The following C16orf89 variants were observed in gnomAD, a reference collection of about 807,000 sequenced individuals.
The protein encoded by C16orf89 is UPF0764 protein C16orf89.
Under a neutral mutation model 41.5 loss-of-function variants are expected in C16orf89, and 57 were observed. The ratio of observed to expected loss-of-function variants is 1.38; its 90% CI spans 1.11 to 1.71. The LOEUF (loss-of-function observed/expected upper bound fraction) is 1.71. Among genes scored for constraint, C16orf89 ranks in the 40% most tolerant of loss-of-function variants. The probability of loss-of-function intolerance (pLI) is 0.00; values close to 1 mark genes in which losing one functional copy is unlikely to be tolerated. For synonymous variants in C16orf89, 223 were observed against 190.6 expected (o/e 1.17, Z -1.40); for missense variants, 575 against 445.9 (o/e 1.29, Z -2.61).
At chr16:5,064,844 A>T (rs1465342767) in intron 1 of C16orf89, among the ~76,000 whole-genome samples, 1 of 152,184 alleles carries the variant, frequency 6.6e-6, no homozygotes. Context: ...CTGCCCAGTC[A>T]TGATTAAGAG....
At chr16:5,064,818 G>A (rs1266693717) in intron 1 of C16orf89, among the ~76,000 whole-genome samples, 4 of 152,142 alleles carry the variant, frequency 2.6e-5, no homozygotes, top group Admixed American at 6.5e-5. Flanking sequence ...AGGTGGGGCC[G>A]CTTTCCCAGT....
intron 7 of C16orf89, chr16:5,044,776 A>G: frequency 8.7e-7 from 1 of 1,152,944 alleles, no homozygotes; most frequent in Non-Finnish European, 1.1e-6. Context: ...CCCAGGAGGC[A>G]AAGGTTGCAG....
chr16:5,047,792 T>A, intron 7 of C16orf89, 86 bp downstream of exon 7: 1 of 809,478 alleles, frequency 1.2e-6, no homozygotes, highest in Non-Finnish European at 2.1e-6. Context: ...GTGCTTTTCT[T>A]CCATAGCAGA....
rs1013951853 is a variant in C16orf89 at position 5,057,286 on chromosome 16, A to T, written c.628-1098T>A. Among the ~76,000 whole-genome samples, 4 of 130,688 alleles carry T rather than the reference A, an allele frequency of 3.1e-5. No individual in the cohort carries two copies. The East Asian group carries it at 9.6e-4, about 31-fold the overall frequency. The allele number at this position is 130,688 out of a possible 152,430, so 85.7% of individuals were successfully genotyped here. On this transcript the variant is annotated intron_variant, in intron 4 of 7. Transcript: ENST00000472572. ...AATATACATATATATATGTATATAT[A>T]TATGTGTATATATATATATAGTGGT...
chr16:5,056,246 C>T, intron 4 of C16orf89, 58 bp from the exon 5 acceptor site: 3 of 1,497,048 alleles, frequency 2.0e-6, no homozygotes, highest in Non-Finnish European at 1.8e-6. Context: ...CAGACACACG[C>T]CCTGCTATGG....
intron 7 of C16orf89, among the ~76,000 whole-genome samples, chr16:5,045,542 C>A (rs769908721): frequency 7.2e-5 from 11 of 152,110 alleles, no homozygotes; most frequent in Non-Finnish European, 1.3e-4. Context: ...CCAGCCAGGT[C>A]CGTTGAAGGG....
intron 2 of C16orf89, among the ~76,000 whole-genome samples, chr16:5,061,997 A>G (rs996137904): frequency 2.0e-5 from 3 of 152,232 alleles, no homozygotes; most frequent in Non-Finnish European, 2.9e-5. Context: ...TAGTGTGTGG[A>G]CAACTTCGGG....
rs762104050 is a variant in C16orf89, at chr16:5,044,739, G to A, written c.956-261C>T. The A allele has an allele frequency of 1.9e-5, 20 of 1,027,050 alleles. No individual in the cohort carries two copies. The East Asian group carries it at 9.6e-4, about 49-fold the overall frequency. The allele number at this position is 1,027,050 out of a possible 1,614,324, so 63.6% of individuals were successfully genotyped here. A position where few individuals can be genotyped will look rare whatever the true frequency, so the allele number is the denominator to read the frequency against. Reference sequence around the variant, plus strand: ...CGCTCCTGTAGTCCCAGCTACTCGGGAGGATGAGGCAAGAGAATTGCTTGA... The same window carrying A: ...CGCTCCTGTAGTCCCAGCTACTCGGAAGGATGAGGCAAGAGAATTGCTTGA... On this transcript the variant is annotated intron_variant, in intron 7 of 7. Coordinates refer to ENST00000472572, the MANE Select transcript of C16orf89 (RefSeq NM_001098514.3).
intron 2 of C16orf89, 152 bp from the exon 3 acceptor site, chr16:5,060,588 G>C (rs898785622): frequency 2.6e-6 from 2 of 766,484 alleles, no homozygotes; most frequent in Non-Finnish European, 4.0e-6. Flanking sequence ...GATTGGGTTT[G>C]AAACACTCAA....
intron 5 of C16orf89, 194 bp from the exon 6 acceptor site, chr16:5,055,544 C>T (rs1054753573): frequency 2.4e-5 from 25 of 1,022,036 alleles, no homozygotes; most frequent in South Asian, 5.0e-5. Flanking sequence ...GCTTGTGTCC[C>T]GCCTCCCACT....
At chr16:5,062,982 G>T (rs1231209328) in intron 1 of C16orf89, among the ~76,000 whole-genome samples, 2 of 152,194 alleles carry the variant, frequency 1.3e-5, no homozygotes, top group Non-Finnish European at 2.9e-5. Context: ...TTGGATCATG[G>T]GTTTGTATAT....
intron 6 of C16orf89, among the ~76,000 whole-genome samples, chr16:5,051,918 G>A (rs1956403595): frequency 1.3e-5 from 2 of 152,012 alleles, no homozygotes; most frequent in African/African-American, 4.8e-5. Context: ...TGGCCAACAT[G>A]TAGAAACCCT....
At chr16:5,060,045 G>A (rs978384335) in intron 3 of C16orf89, among the ~76,000 whole-genome samples, 1 of 152,086 alleles carries the variant, frequency 6.6e-6, no homozygotes, top group African/African-American at 2.4e-5. Context: ...CCTGGAGGTG[G>A]TGTGTTCAGC....
At position 5,060,450 on chromosome 16, in the gene C16orf89, C is replaced by G; in HGVS notation, c.359-14G>C. Reference sequence around the variant, plus strand: ...TCAGCTGGAACTCTGGCAGAGAGGACAGATAGATGGGGTGGGGTGTGGGGG... The same window carrying G: ...TCAGCTGGAACTCTGGCAGAGAGGAGAGATAGATGGGGTGGGGTGTGGGGG... On this transcript the variant is annotated splice_polypyrimidine_tract_variant and intron_variant, in intron 2 of 7. Transcript: ENST00000472572. The G allele has an allele frequency of 6.2e-7, 1 of 1,607,218 alleles. No individual in the cohort carries two copies. The highest frequency in any genetic ancestry group is 1.3e-5 in the African/African-American group (1 of 74,914).
At chr16:5,055,999 G>C in intron 5 of C16orf89, 54 bp downstream of exon 5, 1 of 1,231,314 alleles carries the variant, frequency 8.1e-7, no homozygotes, top group Non-Finnish European at 1.1e-6. Flanking sequence ...GTGTGTGTGT[G>C]TTGGTGGGGG....
Position 5,056,139 on chromosome 16 carries a change from A to C in C16orf89, c.677T>G (p.Leu226Arg). The part of the protein sequence containing the change: ...PLQQSQDYIN[L>R]FCANMMDLNR... ...CAAGTCCATCATGTTGGCGCAGAAG[A>C]GGTTGATATAGTCCTGGCTCTGTTG... is the stretch of plus-strand genomic sequence containing the variant. The change falls in exon 5 of 8, where the codon CTC becomes CGC. Residue 226 changes from leucine (L) to arginine (R), a missense_variant. Coordinates refer to ENST00000472572, the MANE Select transcript of C16orf89 (RefSeq NM_001098514.3). 1 of 1,598,342 alleles carries C rather than the reference A, an allele frequency of 6.3e-7. No individual in the cohort carries two copies. The highest frequency in any genetic ancestry group is 8.6e-7 in the Non-Finnish European group (1 of 1,166,668).
At chr16:5,055,381 C>T (rs1482494007) in intron 5 of C16orf89, 31 bp from the exon 6 acceptor site, 20 of 1,544,858 alleles carry the variant, frequency 1.3e-5, no homozygotes, top group Admixed American at 1.8e-5. Context: ...CCTCTGCAGG[C>T]CTGCCCCCCA....
chr16:5,063,983 C>T (rs1191001135), intron 1 of C16orf89, among the ~76,000 whole-genome samples: 8 of 152,054 alleles, frequency 5.3e-5, no homozygotes, highest in South Asian at 2.1e-4. Context: ...AAAAATTAGC[C>T]GGGCGTGGTG....
chr16:5,047,191 C>T (rs527359314), intron 7 of C16orf89, among the ~76,000 whole-genome samples: 18 of 152,300 alleles, frequency 1.2e-4, no homozygotes, highest in African/African-American at 3.6e-4. Flanking sequence ...ATTAACACTG[C>T]CTCCTCCTGC....
Sources: gnomAD v4.1 joint callset for allele counts (sites outside exome capture counted in the v4.1 genomes callset) on GRCh38, gnomAD v4.1.1 for gene constraint, MANE v1.5 for transcripts, NCBI Gene and HGNC (gene_info 2026-07-23, HGNC 2026-07-21) for gene names.